MAGI1: variants seen among roughly 807,000 people sequenced by gnomAD.
MAGI1 encodes the protein membrane-associated guanylate kinase, WW and PDZ domain-containing protein 1.
Under a neutral mutation model 139.9 loss-of-function variants are expected in MAGI1, and 58 were observed. The observed-to-expected ratio is 0.41, with a 90% confidence interval of 0.34 to 0.52. The LOEUF (loss-of-function observed/expected upper bound fraction) is 0.52, where lower values mean the gene tolerates loss of function less well. MAGI1 is among the 20% of genes least tolerant of loss of function. The probability of loss-of-function intolerance (pLI) is 0.12; values close to 1 mark genes in which losing one functional copy is unlikely to be tolerated. For missense variants in MAGI1, 1,874 were observed against 1,901.6 expected (o/e 0.99, Z 0.27); for synonymous variants, 812 against 737.9 (o/e 1.10, Z -1.63).
intron 2 of MAGI1, among the ~76,000 whole-genome samples, chr3:65,560,555 G>A (rs1193587448): frequency 6.6e-6 from 1 of 152,106 alleles, no homozygotes; most frequent in African/African-American, 2.4e-5. Flanking sequence ...GATTCTAAAG[G>A]AGCCGGTCAT....
intron 1 of MAGI1, among the ~76,000 whole-genome samples, chr3:65,763,207 A>G (rs981626067): frequency 1.3e-5 from 2 of 152,212 alleles, no homozygotes; most frequent in Non-Finnish European, 2.9e-5. Context: ...CTGTATAAAC[A>G]GACCTTGTTA....
chr3:65,374,920 A>T (rs555722118), intron 18 of MAGI1, among the ~76,000 whole-genome samples: 12 of 152,318 alleles, frequency 7.9e-5, no homozygotes, highest in African/African-American at 2.4e-4. Flanking sequence ...CTTCATTCAC[A>T]TCCAAAAATT....
At chr3:65,667,110 G>T (rs9829269) in intron 1 of MAGI1, among the ~76,000 whole-genome samples, 9,877 of 152,216 alleles carry the variant, frequency 0.065, 1,118 homozygotes, top group African/African-American at 0.22. Flanking sequence ...AGGAAAAAAG[G>T]TGTTCAAATT....
intron 10 of MAGI1, among the ~76,000 whole-genome samples, chr3:65,435,878 C>T (rs994916847): frequency 2.0e-5 from 3 of 151,984 alleles, no homozygotes; most frequent in South Asian, 2.1e-4. Context: ...GGCTCAGAAG[C>T]GGTTCACAGT....
chr3:65,906,988 T>C (rs1039536888), intron 1 of MAGI1, among the ~76,000 whole-genome samples: 21 of 149,602 alleles, frequency 1.4e-4, no homozygotes, highest in Non-Finnish European at 2.8e-4. Context: ...GGTAGAGAAA[T>C]GAGATTTCCC....
At chr3:65,638,528 T>C (rs945252284) in intron 1 of MAGI1, among the ~76,000 whole-genome samples, 1 of 150,192 alleles carries the variant, frequency 6.7e-6, no homozygotes, top group Non-Finnish European at 1.5e-5. Context: ...GAGACAGAAT[T>C]TCCTTCCTTC....
At chr3:65,628,295 G>T (rs753107702) in intron 1 of MAGI1, among the ~76,000 whole-genome samples, 3 of 152,082 alleles carry the variant, frequency 2.0e-5, no homozygotes, top group Admixed American at 6.5e-5. Flanking sequence ...TGATTCACTA[G>T]GAAGATTCGG....
chr3:65,617,558 A>C (rs1368079458), intron 2 of MAGI1, among the ~76,000 whole-genome samples: 2 of 152,160 alleles, frequency 1.3e-5, no homozygotes, highest in Non-Finnish European at 2.9e-5. Flanking sequence ...TACAATTAAG[A>C]GGAGCTGTGA....
intron 1 of MAGI1, among the ~76,000 whole-genome samples, chr3:65,819,167 C>T (rs145865730): frequency 0.015 from 2,305 of 152,112 alleles, 60 homozygotes; most frequent in African/African-American, 0.049. Context: ...GCCTATAATC[C>T]CAGCTACTCA....
chr3:65,494,213 T>C (rs1037863754), intron 2 of MAGI1, among the ~76,000 whole-genome samples: 4 of 152,290 alleles, frequency 2.6e-5, no homozygotes, highest in Middle Eastern at 6.8e-3. Flanking sequence ...AATTAATATG[T>C]TGGGCAAAAA....
chr3:65,400,405 A>G (rs1476009099), intron 13 of MAGI1, among the ~76,000 whole-genome samples: 2 of 152,210 alleles, frequency 1.3e-5, no homozygotes, highest in Non-Finnish European at 2.9e-5. Flanking sequence ...ACAGGTGGAA[A>G]GAATTCAGCT....
intron 1 of MAGI1, among the ~76,000 whole-genome samples, chr3:65,680,920 G>A (rs1038700709): frequency 4.6e-5 from 7 of 152,112 alleles, no homozygotes; most frequent in Non-Finnish European, 5.9e-5. Flanking sequence ...GTAATGGGAC[G>A]GAAAGATTCA....
chr3:65,647,817 AC>A (rs2085346152), intron 1 of MAGI1, among the ~76,000 whole-genome samples: 1 of 152,210 alleles, frequency 6.6e-6, no homozygotes, highest in South Asian at 2.1e-4. Context: ...GGTAAAGAAT[AC>A]CCAAAACCCT....
chr3:65,912,989 G>A (rs921437730), intron 1 of MAGI1, among the ~76,000 whole-genome samples: 3 of 152,218 alleles, frequency 2.0e-5, no homozygotes, highest in African/African-American at 2.4e-5. Context: ...CAAGCCATAA[G>A]GGGCTGGGCG....
intron 1 of MAGI1, among the ~76,000 whole-genome samples, chr3:65,625,456 C>T (rs565515105): frequency 1.3e-5 from 2 of 152,248 alleles, no homozygotes; most frequent in South Asian, 2.1e-4. Flanking sequence ...AATCCTGGCT[C>T]AACTGTTTAT....
intron 12 of MAGI1, among the ~76,000 whole-genome samples, chr3:65,428,035 C>T (rs1444239597): frequency 6.6e-6 from 1 of 152,132 alleles, no homozygotes. Context: ...CTAAGCCAGG[C>T]TCATTGAGCA....
At position 66,038,352 on chromosome 3, in the gene MAGI1, G is replaced by T; in HGVS notation, c.-44C>A. 1.3e-6 allele frequency: 2 copies of T among 1,511,222 alleles called. No individual in the cohort carries two copies. The highest frequency in any genetic ancestry group is 1.8e-6 in the Non-Finnish European group (2 of 1,132,786). The allele number at this position is 1,511,222 out of a possible 1,614,324, so 93.6% of individuals were successfully genotyped here. A position where few individuals can be genotyped will look rare whatever the true frequency, so the allele number is the denominator to read the frequency against. On this transcript the variant is annotated 5_prime_UTR_variant, in exon 1 of 23. Coordinates refer to ENST00000402939, the MANE Select transcript of MAGI1 (RefSeq NM_001033057.2). ...TCCAAAAAAATAAAACGAGAGACAGGTGCCCCCCACAGCACGAGCCCCCAA... is the reference window on the plus strand; with the variant it reads ...TCCAAAAAAATAAAACGAGAGACAGTTGCCCCCCACAGCACGAGCCCCCAA...
At chr3:65,466,492 A>G (rs1950182516) in intron 5 of MAGI1, among the ~76,000 whole-genome samples, 1 of 152,112 alleles carries the variant, frequency 6.6e-6, no homozygotes, top group Admixed American at 6.6e-5. Flanking sequence ...GGGTGGGGAT[A>G]GTGGCTTGAG....
chr3:65,583,967 C>T (rs2081554827), intron 2 of MAGI1, among the ~76,000 whole-genome samples: 2 of 151,204 alleles, frequency 1.3e-5, no homozygotes, highest in Admixed American at 1.3e-4. Context: ...GAACTTTCCA[C>T]AGTGACAGTG....
Sources: allele counts gnomAD v4.1 joint callset (sites outside exome capture counted in the v4.1 genomes callset), GRCh38; gene constraint gnomAD v4.1.1; transcripts MANE v1.5; gene names NCBI Gene and HGNC (gene_info 2026-07-23, HGNC 2026-07-21).